The following SLC4A10 variants were observed in gnomAD, a reference collection of about 807,000 sequenced individuals.
SLC4A10 encodes the protein sodium-driven chloride bicarbonate exchanger.
SLC4A10 carries 42 observed loss-of-function variants against 137.7 expected under a neutral mutation model. The observed-to-expected ratio is 0.30, with a 90% CI of 0.24 to 0.39. The LOEUF (loss-of-function observed/expected upper bound fraction) is 0.39, where lower values mean the gene tolerates loss of function less well. Ranked by LOEUF, SLC4A10 falls within the 10% of genes least tolerant of loss-of-function variation. The pLI is 1.00. For synonymous variants in SLC4A10, 474 were observed against 464.1 expected, an observed-to-expected ratio of 1.02 and a Z score of -0.27; for missense variants, 925 against 1,355.0, an observed-to-expected ratio of 0.68 and a Z score of 4.98.
chr2:161,959,519 C>T (rs2105882246), intron 21 of SLC4A10, among the ~76,000 whole-genome samples: 1 of 152,284 alleles, frequency 6.6e-6, no homozygotes, highest in East Asian at 1.9e-4. Flanking sequence ...GGTAGGATGA[C>T]TCAGTCTTTT....
At chr2:161,918,861 A>G (rs1300155171) in intron 15 of SLC4A10, among the ~76,000 whole-genome samples, 2 of 152,152 alleles carry the variant, frequency 1.3e-5, no homozygotes, top group Non-Finnish European at 2.9e-5. Context: ...AGGACCCAGG[A>G]AAAGGTGGAA....
In SLC4A10 at chr2:161,713,134, G is replaced by C. The variant is rs539367989; in HGVS notation, c.49-57839G>C. 9.2e-5 allele frequency among the ~76,000 whole-genome samples: 14 copies of C among 151,942 alleles called. No individual in the cohort carries two copies. The South Asian group carries it at 2.9e-3, about 31-fold the overall frequency. On this transcript the variant is annotated intron_variant, in intron 1 of 26. Coordinates refer to ENST00000446997, the MANE Select transcript of SLC4A10 (RefSeq NM_001178015.2). The stretch of plus-strand genomic sequence containing the variant: ...GAGGCAGAAAGCAAATAATAGAATA[G>C]TTCATTTTGGCTATAGCCTAGTGGG...
Position 161,903,989 on chromosome 2 carries a change from TC to T in SLC4A10, c.1443-9del. The stretch of plus-strand genomic sequence containing the variant: ...ATATTTGGGTTTCACTATTGTGTTT[TC>T]CCCCCTGTCTTAGGATTTTTGGGGG... On this transcript the variant is annotated splice_polypyrimidine_tract_variant and intron_variant, in intron 12 of 26. Coordinates refer to ENST00000446997, the MANE Select transcript of SLC4A10 (RefSeq NM_001178015.2). 4 of 1,551,816 alleles carry T rather than the reference TC, an allele frequency of 2.6e-6. No individual in the cohort carries two copies. Among genetic ancestry groups the T allele is most frequent in the Admixed American group, 2.0e-5 (1 of 50,038 alleles).
At chr2:161,718,539 C>T (rs764097822) in intron 1 of SLC4A10, among the ~76,000 whole-genome samples, 1 of 152,046 alleles carries the variant, frequency 6.6e-6, no homozygotes, top group Non-Finnish European at 1.5e-5. Flanking sequence ...CTGATTTTTG[C>T]CTTAATTATT....
At chr2:161,708,829 G>T (rs2043968877) in intron 1 of SLC4A10, 19 of 1,529,836 alleles carry the variant, frequency 1.2e-5, no homozygotes, top group Non-Finnish European at 1.7e-5. Context: ...TAAGTCATCA[G>T]GTATGACCTC....
chr2:161,781,922 C>T (rs1344801645), intron 2 of SLC4A10, among the ~76,000 whole-genome samples: 1 of 152,060 alleles, frequency 6.6e-6, no homozygotes, highest in Non-Finnish European at 1.5e-5. Flanking sequence ...AAAAGAGTCT[C>T]AGCTCTCAGC....
At chr2:161,967,700 A>G (rs1448635513) in intron 23 of SLC4A10, among the ~76,000 whole-genome samples, 1 of 152,076 alleles carries the variant, frequency 6.6e-6, no homozygotes, top group African/African-American at 2.4e-5. Flanking sequence ...ATTTATTTCA[A>G]TGTTTAATAT....
At position 161,854,954 on chromosome 2, in the gene SLC4A10, A is replaced by C. The variant is rs746132311; in HGVS notation, c.417-16A>C. ...CAATATAATATAAACTGTGCTGATA[A>C]TATTTGTTTGTATAGGTGGTTGAAG... is the stretch of plus-strand genomic sequence containing the variant. On this transcript the variant is annotated splice_polypyrimidine_tract_variant and intron_variant, in intron 4 of 26. Transcript: ENST00000446997. 15 of 1,607,364 alleles carry C rather than the reference A, an allele frequency of 9.3e-6. No homozygotes were observed. The highest frequency in any genetic ancestry group is 1.3e-5 in the Non-Finnish European group (15 of 1,176,988).
chr2:161,684,122 A>G (rs2041152739), intron 1 of SLC4A10, among the ~76,000 whole-genome samples: 1 of 152,168 alleles, frequency 6.6e-6, no homozygotes, highest in Non-Finnish European at 1.5e-5. Flanking sequence ...AATTCATATA[A>G]GTGGAATCAT....
At chr2:161,665,612 C>A (rs1229719263) in intron 1 of SLC4A10, among the ~76,000 whole-genome samples, 2 of 151,618 alleles carry the variant, frequency 1.3e-5, no homozygotes, top group African/African-American at 2.4e-5. Context: ...TAGTAGTAGA[C>A]ACAATTCTCA....
intron 1 of SLC4A10, among the ~76,000 whole-genome samples, chr2:161,689,983 A>G (rs548205303): frequency 6.6e-6 from 1 of 152,286 alleles, no homozygotes; most frequent in Non-Finnish European, 1.5e-5. Flanking sequence ...TTCATGGCAT[A>G]TACTAGTGTT....
At chr2:161,649,104 C>T (rs964941556) in intron 1 of SLC4A10, among the ~76,000 whole-genome samples, 7 of 152,188 alleles carry the variant, frequency 4.6e-5, no homozygotes, top group Admixed American at 1.3e-4. Flanking sequence ...AACAGTGGCT[C>T]ACGCCTGTAA....
At chr2:161,981,108 C>T (rs1193577379) in intron 26 of SLC4A10, among the ~76,000 whole-genome samples, 2 of 152,138 alleles carry the variant, frequency 1.3e-5, no homozygotes, top group Admixed American at 1.3e-4. Flanking sequence ...AACCAAACAA[C>T]CAAAGCAGAG....
intron 21 of SLC4A10, among the ~76,000 whole-genome samples, chr2:161,960,714 T>C (rs1428545469): frequency 1.3e-5 from 2 of 149,402 alleles, no homozygotes; most frequent in African/African-American, 2.5e-5. Context: ...AGGGATACTC[T>C]GTCTCAAAAA....
intron 15 of SLC4A10, among the ~76,000 whole-genome samples, chr2:161,930,228 A>G (rs576697134): frequency 6.6e-6 from 1 of 152,204 alleles, no homozygotes; most frequent in African/African-American, 2.4e-5. Flanking sequence ...CAGACCAGAA[A>G]TCACATGCAC....
At chr2:161,948,212 G>A (rs544169663) in intron 17 of SLC4A10, among the ~76,000 whole-genome samples, 4 of 151,924 alleles carry the variant, frequency 2.6e-5, no homozygotes, top group Non-Finnish European at 4.4e-5. Flanking sequence ...AAACAGCTTA[G>A]TTCAATATTT....
chr2:161,816,819 T>C (rs1302683107), intron 3 of SLC4A10, among the ~76,000 whole-genome samples: 1 of 152,160 alleles, frequency 6.6e-6, no homozygotes, highest in Non-Finnish European at 1.5e-5. Flanking sequence ...TCATCATTTT[T>C]TATGGCTGCA....
rs1381556864 is a variant in SLC4A10 at position 161,771,059 on chromosome 2, G to A, written c.130+5G>A. The A allele has an allele frequency of 1.3e-6, 2 of 1,588,330 alleles. No individual in the cohort carries two copies. The highest frequency in any genetic ancestry group is 2.7e-5 in the African/African-American group (2 of 74,394). ...TTGAGAAAGAAGATTTAGAAGGTAA[G>A]ACCATTTTTCTTGGGATAGCTATTG... is the stretch of plus-strand genomic sequence containing the variant. On this transcript the variant is annotated splice_donor_5th_base_variant and intron_variant, in intron 2 of 26. Coordinates refer to ENST00000446997, the MANE Select transcript of SLC4A10 (RefSeq NM_001178015.2).
chr2:161,726,016 C>T (rs2046182931), intron 1 of SLC4A10, among the ~76,000 whole-genome samples: 1 of 152,124 alleles, frequency 6.6e-6, no homozygotes, highest in Non-Finnish European at 1.5e-5. Flanking sequence ...ATTCAGTATT[C>T]TCATTACCTA....
Sources: gnomAD v4.1 joint callset for allele counts (sites outside exome capture counted in the v4.1 genomes callset) on GRCh38, gnomAD v4.1.1 for gene constraint, MANE v1.5 for transcripts, NCBI Gene and HGNC (gene_info 2026-07-23, HGNC 2026-07-21) for gene names.